The following ZWILCH variants were observed in gnomAD, a reference collection of about 807,000 sequenced individuals.
ZWILCH encodes the protein protein zwilch homolog.
Under a neutral mutation model 79.9 loss-of-function variants are expected in ZWILCH, and 74 were observed. The ratio of observed to expected loss-of-function variants is 0.93; its 90% CI spans 0.77 to 1.12. ZWILCH has a LOEUF of 1.12. ZWILCH is among the 50% of genes most tolerant of loss of function. The pLI is 0.00. For synonymous variants in ZWILCH, 241 were observed against 228.2 expected (o/e 1.06, Z -0.51); for missense variants, 694 against 687.5 (o/e 1.01, Z -0.11).
intron 16 of ZWILCH, among the ~76,000 whole-genome samples, chr15:66,537,926 T>G (rs573671805): frequency 6.6e-6 from 1 of 152,216 alleles, no homozygotes; most frequent in African/African-American, 2.4e-5. Flanking sequence ...TTCTCTGTAT[T>G]TGTTATTCCT....
At chr15:66,528,622 G>C (rs576610053) in intron 10 of ZWILCH, among the ~76,000 whole-genome samples, 1 of 151,994 alleles carries the variant, frequency 6.6e-6, no homozygotes, top group Non-Finnish European at 1.5e-5. Context: ...TTTACATGGA[G>C]GGAAAGCTGA....
At chr15:66,530,618 CA>C (rs752435646) in intron 12 of ZWILCH, among the ~76,000 whole-genome samples, 7 of 152,162 alleles carry the variant, frequency 4.6e-5, no homozygotes, top group Non-Finnish European at 7.4e-5. Flanking sequence ...GCCTGGGCAA[CA>C]GAGTAAGACT....
intron 3 of ZWILCH, 137 bp downstream of exon 3, chr15:66,514,220 C>T (rs1019594105): frequency 2.4e-5 from 12 of 490,234 alleles, no homozygotes; most frequent in Non-Finnish European, 4.0e-5. Flanking sequence ...AAGTGTAGTG[C>T]TGTCCAGTAC....
rs780768540 is a variant in ZWILCH at position 66,521,173 on chromosome 15, C to A, written c.715C>A (p.Gln239Lys). 4 of 1,613,138 alleles carry A rather than the reference C, an allele frequency of 2.5e-6. No homozygotes were observed. Among genetic ancestry groups the A allele is most frequent in the Non-Finnish European group, 3.4e-6 (4 of 1,180,030 alleles). Residue 239 changes from glutamine (Q) to lysine (K), a missense_variant, in exon 7 of 19, where the codon CAA becomes AAA. Gln to Lys is a moderately conservative substitution (Grantham distance 53). Transcript: ENST00000307897. ...CTGGAGTCCTGTGGATGAGATTCTT[C>A]AAATCCCTCCACTCTCTTCAACTGC... ...ISWSPVDEIL[Q>K]IPPLSSTATL...
At chr15:66,527,534 A>G in intron 9 of ZWILCH, 151 bp downstream of exon 9, 1 of 650,996 alleles carries the variant, frequency 1.5e-6, no homozygotes, top group Non-Finnish European at 2.6e-6. Flanking sequence ...CTGAATTGCT[A>G]ATGGTAGAGA....
intron 2 of ZWILCH, among the ~76,000 whole-genome samples, chr15:66,513,417 T>C (rs556736143): frequency 2.2e-4 from 33 of 151,776 alleles, no homozygotes; most frequent in African/African-American, 7.2e-4. Context: ...AATAAAATAA[T>C]TAGCCAGGTG....
intron 2 of ZWILCH, among the ~76,000 whole-genome samples, chr15:66,511,506 A>T (rs895446815): frequency 2.6e-4 from 40 of 152,090 alleles, no homozygotes; most frequent in Non-Finnish European, 8.8e-5. Context: ...AAAAAAAAAA[A>T]AAAAGATAAA....
intron 9 of ZWILCH, among the ~76,000 whole-genome samples, 184 bp from the exon 10 acceptor site, chr15:66,527,673 T>C (rs1894720023): frequency 6.6e-6 from 1 of 152,202 alleles, no homozygotes; most frequent in African/African-American, 2.4e-5. Flanking sequence ...TTCTGTTACC[T>C]CCGTTCATCC....
At chr15:66,509,867 A>G (rs1482551925) in intron 2 of ZWILCH, among the ~76,000 whole-genome samples, 5 of 91,878 alleles carry the variant, frequency 5.4e-5, no homozygotes, top group Admixed American at 1.2e-4. Flanking sequence ...ATATATATAT[A>G]TATCTCTTAA....
rs140535335 is a variant in ZWILCH at position 66,506,981 on chromosome 15, C to G, written c.53+1590C>G. ...AAGCGATTCTCCTGCCTCAGCCTCC[C>G]GAGTAGCTGGGACTACAGGCGCATG... On this transcript the variant is annotated intron_variant, in intron 1 of 18. Transcript: ENST00000307897. Among the ~76,000 whole-genome samples, 10 of 151,944 alleles carry G rather than the reference C, an allele frequency of 6.6e-5. 2 individuals carry two copies. Among genetic ancestry groups the G allele is most frequent in the African/African-American group, 2.4e-4 (10 of 41,440 alleles).
At chr15:66,544,147 C>A (rs1292841010) in intron 17 of ZWILCH, among the ~76,000 whole-genome samples, 1 of 151,538 alleles carries the variant, frequency 6.6e-6, no homozygotes, top group Admixed American at 6.6e-5. Flanking sequence ...ATCCCAGCTA[C>A]TCAGGAGGCT....
At chr15:66,514,104 G>C (rs1477901737) in intron 3 of ZWILCH, 21 bp downstream of exon 3, 2 of 1,559,942 alleles carry the variant, frequency 1.3e-6, no homozygotes, top group Non-Finnish European at 1.7e-6. Context: ...GTTTGACTTT[G>C]TGGTTGTTTA....
chr15:66,541,159 G>T (rs1267988265), intron 17 of ZWILCH, among the ~76,000 whole-genome samples: 2 of 151,236 alleles, frequency 1.3e-5, no homozygotes, highest in Admixed American at 6.6e-5. Context: ...TTGGTGGCTT[G>T]TTGCTGTAGT....
At chr15:66,527,680 A>G (rs1303882595) in intron 9 of ZWILCH, among the ~76,000 whole-genome samples, 177 bp from the exon 10 acceptor site, 1 of 152,190 alleles carries the variant, frequency 6.6e-6, no homozygotes, top group African/African-American at 2.4e-5. Flanking sequence ...ACCTCCGTTC[A>G]TCCTCACACC....
At chr15:66,520,938 A>G (rs752188543) in intron 6 of ZWILCH, 112 bp from the exon 7 acceptor site, 19 of 1,174,982 alleles carry the variant, frequency 1.6e-5, no homozygotes, top group Non-Finnish European at 2.1e-5. Context: ...TCCCAAAAGT[A>G]TGGCGTGTGT....
chr15:66,548,225 A>G (rs555081103), intron 18 of ZWILCH, 126 bp from the exon 19 acceptor site: 7 of 257,148 alleles, frequency 2.7e-5, no homozygotes, highest in Non-Finnish European at 5.2e-5. Flanking sequence ...CATTTTTGTA[A>G]ATAATTCATA....
chr15:66,544,736 G>GTGTGTGTGTGTGTGTC (rs1895313708), intron 17 of ZWILCH, among the ~76,000 whole-genome samples: 1 of 148,796 alleles, frequency 6.7e-6, no homozygotes. Context: ...GTGTGTGTGT[G>GTGTGTGTGTGTGTGTC]TGTGTGTGTG....
intron 17 of ZWILCH, among the ~76,000 whole-genome samples, chr15:66,542,540 G>A (rs150274286): frequency 9.7e-4 from 147 of 152,258 alleles, no homozygotes; most frequent in African/African-American, 3.3e-3. Flanking sequence ...AGCCAAGATC[G>A]CGCCACTGCA....
intron 4 of ZWILCH, among the ~76,000 whole-genome samples, chr15:66,517,941 C>T (rs1269758593): frequency 6.6e-6 from 1 of 151,786 alleles, no homozygotes; most frequent in African/African-American, 2.4e-5. Context: ...CCATGTTGGT[C>T]AGGCTGGTCT....
Sources: gnomAD v4.1 joint callset for allele counts (sites outside exome capture counted in the v4.1 genomes callset) on GRCh38, gnomAD v4.1.1 for gene constraint, MANE v1.5 for transcripts, NCBI Gene and HGNC (gene_info 2026-07-23, HGNC 2026-07-21) for gene names.